CNTNAP2: variants seen among roughly 807,000 people sequenced by gnomAD.
The protein encoded by CNTNAP2 is contactin-associated protein-like 2.
Under a neutral mutation model 155.2 loss-of-function variants are expected in CNTNAP2, and 98 were observed. The observed-to-expected ratio is 0.63, with a 90% CI of 0.54 to 0.75. The LOEUF is 0.75. Among genes scored for constraint, CNTNAP2 ranks in the 30% least tolerant of loss-of-function variants. The pLI is 0.00. For synonymous variants in CNTNAP2, 651 were observed against 631.2 expected (o/e 1.03, Z -0.47); for missense variants, 1,727 against 1,688.1 (o/e 1.02, Z -0.40).
At chr7:146,339,669 G>A (rs1801339683) in intron 1 of CNTNAP2, among the ~76,000 whole-genome samples, 1 of 152,030 alleles carries the variant, frequency 6.6e-6, no homozygotes, top group South Asian at 2.1e-4. Context: ...AGATAACTTA[G>A]GTCTATATGG....
intron 4 of CNTNAP2, among the ~76,000 whole-genome samples, chr7:147,076,920 T>A (rs1800011296): frequency 1.3e-5 from 2 of 152,296 alleles, no homozygotes; most frequent in South Asian, 4.1e-4. Context: ...TTAATGGACG[T>A]TGCTACAAAT....
chr7:148,077,329 C>T (rs1273180308), intron 15 of CNTNAP2, among the ~76,000 whole-genome samples: 1 of 151,936 alleles, frequency 6.6e-6, no homozygotes, highest in Non-Finnish European at 1.5e-5. Flanking sequence ...AATTACCACA[C>T]ATACTAACAA....
chr7:147,209,305 T>C (rs1013286201), intron 8 of CNTNAP2, among the ~76,000 whole-genome samples: 2 of 152,088 alleles, frequency 1.3e-5, no homozygotes, highest in African/African-American at 4.8e-5. Flanking sequence ...GTAGAGATCT[T>C]TCACTTCCTT....
chr7:146,643,921 C>T (rs1308524299), intron 1 of CNTNAP2, among the ~76,000 whole-genome samples: 1 of 151,924 alleles, frequency 6.6e-6, no homozygotes, highest in Non-Finnish European at 1.5e-5. Context: ...CTCTTTGAAG[C>T]AATTGTGAAT....
intron 3 of CNTNAP2, among the ~76,000 whole-genome samples, chr7:146,924,054 G>A (rs1023443587): frequency 6.6e-6 from 1 of 151,694 alleles, no homozygotes; most frequent in South Asian, 2.1e-4. Context: ...CTTCTGCCGC[G>A]GTTCTTGGAA....
intron 1 of CNTNAP2, among the ~76,000 whole-genome samples, chr7:146,630,239 T>C (rs1054773677): frequency 2.0e-5 from 3 of 152,056 alleles, no homozygotes; most frequent in Non-Finnish European, 2.9e-5. Flanking sequence ...TGGTGTTTGG[T>C]TTTCTGTTCC....
intron 13 of CNTNAP2, among the ~76,000 whole-genome samples, chr7:147,830,514 A>G (rs1192365071): frequency 1.3e-5 from 2 of 152,176 alleles, no homozygotes; most frequent in African/African-American, 4.8e-5. Flanking sequence ...AATCCACTAC[A>G]TCTACTTTCT....
chr7:147,408,529 C>T (rs550928259), intron 10 of CNTNAP2, among the ~76,000 whole-genome samples: 4 of 152,198 alleles, frequency 2.6e-5, no homozygotes, highest in Non-Finnish European at 5.9e-5. Flanking sequence ...GGGAGGCTGA[C>T]GCGGGCGGAT....
At chr7:146,712,787 T>C (rs989524595) in intron 1 of CNTNAP2, among the ~76,000 whole-genome samples, 4 of 152,032 alleles carry the variant, frequency 2.6e-5, no homozygotes, top group African/African-American at 9.7e-5. Context: ...AAACCTGCTT[T>C]TCATATTTTA....
chr7:146,259,060 T>C (rs1050280026), intron 1 of CNTNAP2, among the ~76,000 whole-genome samples: 26 of 152,102 alleles, frequency 1.7e-4, no homozygotes, highest in Admixed American at 5.9e-4. Flanking sequence ...TGAAATCTGA[T>C]GGTTTAAAAG....
At chr7:148,066,944 G>T (rs898074150) in intron 15 of CNTNAP2, among the ~76,000 whole-genome samples, 3 of 152,058 alleles carry the variant, frequency 2.0e-5, no homozygotes, top group Non-Finnish European at 2.9e-5. Context: ...TTCATTTCCA[G>T]AAGTTTTGAT....
intron 1 of CNTNAP2, among the ~76,000 whole-genome samples, chr7:146,757,576 T>C (rs991165608): frequency 1.3e-5 from 2 of 152,158 alleles, no homozygotes; most frequent in African/African-American, 4.8e-5. Flanking sequence ...TCATTTCTCC[T>C]GCTTTACAAA....
chr7:148,258,769 G>T (rs1395097445), intron 20 of CNTNAP2, among the ~76,000 whole-genome samples: 2 of 152,116 alleles, frequency 1.3e-5, no homozygotes, highest in Admixed American at 6.5e-5. Context: ...GGGCGTGGTG[G>T]CCTACAATCC....
intron 1 of CNTNAP2, among the ~76,000 whole-genome samples, chr7:146,629,231 T>C (rs1389004361): frequency 6.6e-6 from 1 of 152,124 alleles, no homozygotes; most frequent in Non-Finnish European, 1.5e-5. Flanking sequence ...CAGTTACCCC[T>C]CTCACTCCTC....
At chr7:146,624,210 TTGTC>T (rs1799380230) in intron 1 of CNTNAP2, among the ~76,000 whole-genome samples, 1 of 152,066 alleles carries the variant, frequency 6.6e-6, no homozygotes, top group African/African-American at 2.4e-5. Flanking sequence ...AGGCCATGCT[TTGTC>T]TGTTAATTCT....
chr7:148,334,969 A>T (rs1158183583), intron 21 of CNTNAP2, among the ~76,000 whole-genome samples: 7 of 152,230 alleles, frequency 4.6e-5, no homozygotes, highest in Non-Finnish European at 1.0e-4. Context: ...TTGAGGTGGA[A>T]CCACTCAAAG....
intron 13 of CNTNAP2, among the ~76,000 whole-genome samples, chr7:147,685,814 AAGG>A (rs1290296425): frequency 6.6e-6 from 1 of 151,984 alleles, no homozygotes; most frequent in Non-Finnish European, 1.5e-5. Flanking sequence ...CAGAAATTTG[AAGG>A]AGATGAGAGT....
At chr7:147,106,294 G>A (rs924362432) in intron 4 of CNTNAP2, among the ~76,000 whole-genome samples, 1 of 152,036 alleles carries the variant, frequency 6.6e-6, no homozygotes, top group African/African-American at 2.4e-5. Context: ...AAGATAAAAA[G>A]TATCATCAAC....
chr7:147,486,004 T>C lies in CNTNAP2; in HGVS notation c.1740T>C (p.Cys580=). Residue 580 remains cysteine, a synonymous_variant, in exon 11 of 24, where the codon TGT becomes TGC. Transcript: ENST00000361727. ...CATGGGACAGCTTCAAATGCACTTG[T>C]GATGAGACAGGATACAGTGGGGCCA... The part of the protein sequence containing the change: ...SQTWDSFKCT[C]DETGYSGATC... The C allele has an allele frequency of 6.2e-7, 1 of 1,614,094 alleles. No homozygotes were observed. Among genetic ancestry groups the C allele is most frequent in the Non-Finnish European group, 8.5e-7 (1 of 1,179,978 alleles).
Sources: allele counts gnomAD v4.1 joint callset (sites outside exome capture counted in the v4.1 genomes callset), GRCh38; gene constraint gnomAD v4.1.1; transcripts MANE v1.5; gene names NCBI Gene and HGNC (gene_info 2026-07-23, HGNC 2026-07-21).